The following TRIP12 variants were observed in gnomAD, a reference collection of about 807,000 sequenced individuals.
The protein encoded by TRIP12 is thyroid hormone receptor interactor 12.
TRIP12 carries 25 observed loss-of-function variants against 244.2 expected under a neutral mutation model. The observed-to-expected ratio is 0.10, with a 90% CI of 0.07 to 0.14. TRIP12 has a LOEUF of 0.14. Among genes scored for constraint, TRIP12 ranks in the 10% least tolerant of loss-of-function variants. TRIP12 has a pLI of 1.00. For synonymous variants in TRIP12, 905 were observed against 873.1 expected, an observed-to-expected ratio of 1.04 and a Z score of -0.64; for missense variants, 1,677 against 2,486.4, an observed-to-expected ratio of 0.67 and a Z score of 6.92.
intron 7 of TRIP12, 110 bp downstream of exon 7, chr2:229,830,646 C>A: frequency 9.6e-7 from 1 of 1,040,172 alleles, no homozygotes; most frequent in Admixed American, 2.6e-5. Flanking sequence ...GAGGTGCAGG[C>A]ACTGCTAGAT....
chr2:229,810,461 A>G (rs1385957438), intron 15 of TRIP12, among the ~76,000 whole-genome samples: 3 of 152,232 alleles, frequency 2.0e-5, no homozygotes, highest in African/African-American at 7.2e-5. Flanking sequence ...GTATAAATAC[A>G]TTCCTACTTT....
intron 6 of TRIP12, among the ~76,000 whole-genome samples, chr2:229,834,411 A>T (rs892709175): frequency 1.3e-5 from 2 of 152,224 alleles, no homozygotes; most frequent in Non-Finnish European, 2.9e-5. Flanking sequence ...TAGCATTTGC[A>T]AGACTTTATC....
chr2:229,847,562 A>G (rs1413815367), intron 4 of TRIP12, among the ~76,000 whole-genome samples: 1 of 152,238 alleles, frequency 6.6e-6, no homozygotes, highest in Non-Finnish European at 1.5e-5. Flanking sequence ...TTACAATACA[A>G]TTTTAGGAGA....
chr2:229,851,891 C>T (rs1208423104), intron 4 of TRIP12, among the ~76,000 whole-genome samples: 1 of 152,182 alleles, frequency 6.6e-6, no homozygotes, highest in African/African-American at 2.4e-5. Flanking sequence ...TGAGGGTCCG[C>T]GGCTTCATTC....
In TRIP12 at chr2:229,795,184, T is replaced by A; in HGVS notation, c.3963A>T (p.Gly1321=). 6.2e-7 allele frequency: 1 copy of A among 1,613,800 alleles called. No individual in the cohort carries two copies. The highest frequency in any genetic ancestry group is 1.7e-4 in the Middle Eastern group (1 of 6,058). Residue 1321 remains glycine (G), a synonymous_variant, in exon 26 of 42, where the codon GGA becomes GGT. Transcript: ENST00000675903. ...AGCCAGGCAATGGTCCTTACCTGCC[T>A]CCTGTCCCATTTCCACTAGGGAAAT... ...VHDFPSGNGT[G]GSFSLNRGSQ...
intron 2 of TRIP12, among the ~76,000 whole-genome samples, chr2:229,868,691 A>G (rs2061986042): frequency 6.6e-6 from 1 of 151,888 alleles, no homozygotes; most frequent in South Asian, 2.1e-4. Flanking sequence ...GAATTAAAGA[A>G]TATAAAAGGA....
At position 229,918,412 on chromosome 2, in the gene TRIP12, C is replaced by A. The variant is rs551716787; in HGVS notation, c.-50+3468G>T. On this transcript the variant is annotated intron_variant, in intron 1 of 41. Coordinates refer to ENST00000675903, the MANE Select transcript of TRIP12 (RefSeq NM_001348323.3). Reference sequence around the variant, plus strand: ...GCTCAAAAAGATCCCTACCCATCCACTTAAAAGGGGGGAAAGTTCCCTAGG... The same window carrying A: ...GCTCAAAAAGATCCCTACCCATCCAATTAAAAGGGGGGAAAGTTCCCTAGG... Among the ~76,000 whole-genome samples the A allele has an allele frequency of 2.0e-4, 31 of 152,312 alleles. 1 individual carries two copies. In the South Asian group the frequency reaches 6.4e-3, roughly 32 times the overall value.
In TRIP12 at chr2:229,778,701, CTGAA is replaced by C. The variant is rs2037104726; in HGVS notation, c.5210-118_5210-115del. On this transcript the variant is annotated intron_variant, in intron 35 of 41. Transcript: ENST00000675903. The surrounding 1 kb of genome is among the most constrained non-coding windows in gnomAD (Gnocchi z 4.1). ...ATTCTCAAAATTGGAGTGCAGATCA[CTGAA>C]TGAAGTCCTCTAGAACTGGACAGGC... is the stretch of plus-strand genomic sequence containing the variant. The C allele has an allele frequency of 4.2e-6, 6 of 1,445,446 alleles. 1 individual carries two copies. The highest frequency in any genetic ancestry group is 1.8e-4 in the Middle Eastern group (1 of 5,526). The allele number at this position is 1,445,446 out of a possible 1,614,324, so 89.5% of individuals were successfully genotyped here.
In TRIP12 at chr2:229,796,666, T is replaced by C; in HGVS notation, c.3741A>G (p.Thr1247=). 6.2e-7 allele frequency: 1 copy of C among 1,613,222 alleles called. No individual in the cohort carries two copies. Residue 1247 remains threonine (T), a synonymous_variant, in exon 25 of 42, where the codon ACA becomes ACG. Coordinates refer to ENST00000675903, the MANE Select transcript of TRIP12 (RefSeq NM_001348323.3). The part of the protein sequence containing the change: ...GFVKQLLLYL[T]SKSEKDAVSR... ...TCACAGCATCCTTTTCACTTTTAGA[T>C]GTCAAATAAAGCAACAGCTGCTTCA... is the stretch of plus-strand genomic sequence containing the variant.
At chr2:229,784,451 T>A (rs1031039564) in intron 34 of TRIP12, among the ~76,000 whole-genome samples, 2 of 140,572 alleles carry the variant, frequency 1.4e-5, no homozygotes, top group African/African-American at 5.3e-5. Flanking sequence ...AAAACAAATA[T>A]AAGAAAAATC....
At chr2:229,884,929 T>A (rs1340129555) in intron 1 of TRIP12, among the ~76,000 whole-genome samples, 1 of 152,078 alleles carries the variant, frequency 6.6e-6, no homozygotes, top group Non-Finnish European at 1.5e-5. Context: ...GTGATAATAC[T>A]ACTGCACTCC....
chr2:229,774,542 T>C (rs967874280), intron 37 of TRIP12, among the ~76,000 whole-genome samples: 2 of 152,180 alleles, frequency 1.3e-5, no homozygotes, highest in Admixed American at 6.5e-5. Flanking sequence ...AGTAAGTGCA[T>C]AATAGGTTGC....
At chr2:229,790,208 T>A (rs971882051) in intron 30 of TRIP12, among the ~76,000 whole-genome samples, 1 of 152,234 alleles carries the variant, frequency 6.6e-6, no homozygotes, top group African/African-American at 2.4e-5. Flanking sequence ...GGCTTAGGAC[T>A]GAACAGATTG....
chr2:229,827,935 G>C, intron 8 of TRIP12, among the ~76,000 whole-genome samples: 1 of 152,084 alleles, frequency 6.6e-6, no homozygotes, highest in East Asian at 1.9e-4. Flanking sequence ...CAAAAAGACT[G>C]GACTCCCCTG....
intron 11 of TRIP12, 72 bp downstream of exon 11, chr2:229,815,027 G>A (rs1470965497): frequency 1.7e-6 from 2 of 1,146,764 alleles, no homozygotes; most frequent in South Asian, 2.9e-5. Flanking sequence ...GAAAATGAAA[G>A]CTAAAATTCA....
chr2:229,800,228 G>A (rs1215673113), intron 21 of TRIP12, among the ~76,000 whole-genome samples: 1 of 152,094 alleles, frequency 6.6e-6, no homozygotes, highest in Non-Finnish European at 1.5e-5. Flanking sequence ...ATGCATTTAT[G>A]AACATTTTAG....
chr2:229,851,946 C>T (rs1363303529), intron 4 of TRIP12, among the ~76,000 whole-genome samples: 1 of 152,222 alleles, frequency 6.6e-6, no homozygotes, highest in Non-Finnish European at 1.5e-5. Context: ...GGACACAAAA[C>T]CATGTATCTA....
At chr2:229,861,514 C>T (rs992355747) in intron 2 of TRIP12, among the ~76,000 whole-genome samples, 2 of 152,072 alleles carry the variant, frequency 1.3e-5, no homozygotes, top group South Asian at 4.1e-4. Flanking sequence ...TTCATTAATA[C>T]CAAATTTACT....
At chr2:229,795,122 A>C in intron 26 of TRIP12, 57 bp downstream of exon 26, 1 of 1,566,480 alleles carries the variant, frequency 6.4e-7, no homozygotes, top group Admixed American at 1.8e-5. Flanking sequence ...ATCTTACTTC[A>C]GTGAAATTAA....
Sources: allele counts gnomAD v4.1 joint callset (sites outside exome capture counted in the v4.1 genomes callset), GRCh38; gene constraint gnomAD v4.1.1; non-coding constraint Gnocchi (gnomAD v3.1); transcripts MANE v1.5; gene names NCBI Gene and HGNC (gene_info 2026-07-23, HGNC 2026-07-21).